The following CDK8 variants were observed in gnomAD, a reference collection of about 807,000 sequenced individuals.
CDK8 encodes cyclin-dependent kinase 8.
CDK8 carries 29 observed loss-of-function variants against 71.5 expected under a neutral mutation model. That is an observed-to-expected ratio of 0.41 (90% CI 0.30 to 0.55). CDK8 has a LOEUF of 0.55. Among genes scored for constraint, CDK8 ranks in the 20% least tolerant of loss-of-function variants. The pLI is 0.37. For missense variants in CDK8, 288 were observed against 572.6 expected (o/e 0.50, Z 5.07); for synonymous variants, 161 against 192.1 (o/e 0.84, Z 1.34).
At chr13:26,385,174 A>T in intron 5 of CDK8, 37 bp from the exon 6 acceptor site, 1 of 1,544,622 alleles carries the variant, frequency 6.5e-7, no homozygotes, top group Non-Finnish European at 8.8e-7. Context: ...TGTAAAAATC[A>T]TTTACTTAGC....
Position 26,334,620 on chromosome 13 carries a change from G to T in CDK8, c.129-2947G>T, listed in dbSNP as rs111261427. Among the ~76,000 whole-genome samples the T allele has an allele frequency of 5.9e-3, 898 of 152,180 alleles. 10 individuals are homozygous for T. Among genetic ancestry groups the T allele is most frequent in the African/African-American group, 0.02 (850 of 41,528 alleles). On this transcript the variant is annotated intron_variant, in intron 1 of 12. Transcript: ENST00000381527. ...TTTCCAGAAAAATAATGTTGTAATT[G>T]TGATTTCTTTTCCCAAGTAAGGATT...
chr13:26,374,225 A>G (rs1874840305), intron 4 of CDK8, among the ~76,000 whole-genome samples: 1 of 151,840 alleles, frequency 6.6e-6, no homozygotes, highest in Non-Finnish European at 1.5e-5. Flanking sequence ...GAATAGATTC[A>G]TGCGATTATG....
chr13:26,358,308 T>A (rs1264736111), intron 4 of CDK8, among the ~76,000 whole-genome samples: 3 of 151,038 alleles, frequency 2.0e-5, no homozygotes, highest in Non-Finnish European at 4.4e-5. Flanking sequence ...CAAAAAAAAA[T>A]AAAAAATAAA....
At chr13:26,307,810 A>G (rs1393173582) in intron 1 of CDK8, among the ~76,000 whole-genome samples, 1 of 152,222 alleles carries the variant, frequency 6.6e-6, no homozygotes, top group African/African-American at 2.4e-5. Flanking sequence ...ACTTCATAAG[A>G]ACGGTACCTA....
chr13:26,264,744 C>G (rs746275854), intron 1 of CDK8, among the ~76,000 whole-genome samples: 1 of 152,138 alleles, frequency 6.6e-6, no homozygotes, highest in Non-Finnish European at 1.5e-5. Flanking sequence ...CTCACCCTTC[C>G]TAGTCCCCTT....
intron 5 of CDK8, among the ~76,000 whole-genome samples, chr13:26,383,171 C>T (rs576602779): frequency 9.8e-5 from 15 of 152,290 alleles, no homozygotes; most frequent in Admixed American, 9.2e-4. Flanking sequence ...AGGCCAGCCT[C>T]ACCTTTAGTC....
chr13:26,392,331 T>TA, intron 6 of CDK8, among the ~76,000 whole-genome samples: 1 of 146,310 alleles, frequency 6.8e-6, no homozygotes, highest in African/African-American at 2.5e-5. Flanking sequence ...ACCCTTTTTT[T>TA]TTTTTTTTTT....
intron 4 of CDK8, among the ~76,000 whole-genome samples, chr13:26,361,868 G>C (rs779675285): frequency 2.8e-4 from 36 of 128,480 alleles, no homozygotes; most frequent in Non-Finnish European, 3.3e-4. Context: ...GGGCTCAAGA[G>C]ATCGTCCTGC....
At chr13:26,373,919 C>T (rs953769499) in intron 4 of CDK8, among the ~76,000 whole-genome samples, 46 of 149,276 alleles carry the variant, frequency 3.1e-4, no homozygotes, top group African/African-American at 1.1e-3. Flanking sequence ...CAGTGGCTCA[C>T]GCCTGTAATC....
intron 6 of CDK8, among the ~76,000 whole-genome samples, chr13:26,388,252 CTA>C (rs1491210300): frequency 6.6e-6 from 1 of 152,138 alleles, no homozygotes; most frequent in Admixed American, 6.5e-5. Context: ...ATTCTCTATA[CTA>C]TCTTTGTAAC....
intron 1 of CDK8, among the ~76,000 whole-genome samples, chr13:26,259,185 A>G (rs1217782371): frequency 6.6e-6 from 1 of 152,208 alleles, no homozygotes; most frequent in Non-Finnish European, 1.5e-5. Flanking sequence ...TGTATACAAT[A>G]AAGAGTATTC....
chr13:26,260,476 A>G (rs1423085140), intron 1 of CDK8, among the ~76,000 whole-genome samples: 2 of 152,158 alleles, frequency 1.3e-5, no homozygotes, highest in Non-Finnish European at 2.9e-5. Flanking sequence ...TTGGCAAATG[A>G]TTCTGCTTTG....
chr13:26,374,027 AAAAAAAAAAAC>A (rs1479003614), intron 4 of CDK8, among the ~76,000 whole-genome samples: 8 of 131,120 alleles, frequency 6.1e-5, no homozygotes, highest in East Asian at 2.2e-4. Context: ...TAAAAAAAAA[AAAAAAAAAAAC>A]AAAAAACAAA....
At chr13:26,388,663 G>A (rs1875594385) in intron 6 of CDK8, among the ~76,000 whole-genome samples, 1 of 152,096 alleles carries the variant, frequency 6.6e-6, no homozygotes, top group Admixed American at 6.5e-5. Flanking sequence ...TATTTTTCCT[G>A]AGAAGCTTAT....
chr13:26,389,314 C>T (rs1477322656), intron 6 of CDK8, among the ~76,000 whole-genome samples: 3 of 152,082 alleles, frequency 2.0e-5, no homozygotes, highest in Non-Finnish European at 4.4e-5. Context: ...CTTGTGCCAC[C>T]ACACCCAGCT....
intron 5 of CDK8, 127 bp downstream of exon 5, chr13:26,382,998 C>T: frequency 1.9e-6 from 1 of 528,702 alleles, no homozygotes; most frequent in Non-Finnish European, 3.3e-6. Flanking sequence ...GAAGCCATTT[C>T]TAAAGAGTAT....
chr13:26,280,202 G>C (rs1247620554), intron 1 of CDK8, among the ~76,000 whole-genome samples: 1 of 152,124 alleles, frequency 6.6e-6, no homozygotes, highest in Non-Finnish European at 1.5e-5. Flanking sequence ...AGAATACTTA[G>C]GGGCTATTTT....
At chr13:26,275,672 C>T (rs921233835) in intron 1 of CDK8, among the ~76,000 whole-genome samples, 1 of 152,106 alleles carries the variant, frequency 6.6e-6, no homozygotes, top group African/African-American at 2.4e-5. Context: ...AAAGTAGAGA[C>T]GGTTCAATAA....
chr13:26,329,613 C>T (rs1875211244), intron 1 of CDK8, among the ~76,000 whole-genome samples: 1 of 151,922 alleles, frequency 6.6e-6, no homozygotes, highest in African/African-American at 2.4e-5. Flanking sequence ...AGTGATTCTC[C>T]TGCCTCAGCC....
Sources: gnomAD v4.1 joint callset for allele counts (sites outside exome capture counted in the v4.1 genomes callset) on GRCh38, gnomAD v4.1.1 for gene constraint, MANE v1.5 for transcripts, NCBI Gene and HGNC (gene_info 2026-07-23, HGNC 2026-07-21) for gene names.